DRG2: variants seen among roughly 807,000 people sequenced by gnomAD.
DRG2 encodes the protein developmentally regulated GTP binding protein 2.
DRG2 carries 36 observed loss-of-function variants against 53.4 expected under a neutral mutation model. The observed-to-expected ratio is 0.67, with a 90% CI of 0.52 to 0.89. The LOEUF (loss-of-function observed/expected upper bound fraction) is 0.89, where lower values mean the gene tolerates loss of function less well. Among genes scored for constraint, DRG2 ranks in the 40% least tolerant of loss-of-function variants. DRG2 has a pLI of 0.00. For synonymous variants in DRG2, 167 were observed against 192.1 expected, an observed-to-expected ratio of 0.87 and a Z score of 1.08; for missense variants, 342 against 481.2, an observed-to-expected ratio of 0.71 and a Z score of 2.71.
At chr17:18,104,836 G>A (rs999587252) in intron 11 of DRG2, among the ~76,000 whole-genome samples, 155 bp downstream of exon 11, 8 of 152,320 alleles carry the variant, frequency 5.3e-5, no homozygotes, top group South Asian at 2.1e-4. Context: ...CTGGGGCTGC[G>A]TCTGCAGCAC....
intron 2 of DRG2, chr17:18,095,964 C>G (rs1032800303): frequency 6.6e-6 from 1 of 152,142 alleles, no homozygotes; most frequent in African/African-American, 2.4e-5. Flanking sequence ...TTAGACTTGC[C>G]TTGATTTGAT....
chr17:18,105,163 A>T (rs1234259526), intron 11 of DRG2, among the ~76,000 whole-genome samples: 2 of 152,142 alleles, frequency 1.3e-5, no homozygotes, highest in African/African-American at 4.8e-5. Flanking sequence ...GGGAGCAGGC[A>T]TGCACAGGCC....
rs1371350685 is a variant in DRG2, at chr17:18,088,068, T to C, written c.45T>C (p.Ala15=). ...TCTCGGAGATCGAGAAGGAGATCGCTCGGACACAGAAGAACAAGGGTGAGG... is the reference window on the plus strand; with the variant it reads ...TCTCGGAGATCGAGAAGGAGATCGCCCGGACACAGAAGAACAAGGGTGAGG... ...EKISEIEKEI[A]RTQKNKATEY... The change falls in exon 1 of 13, where the codon GCT becomes GCC. Residue 15 remains alanine (A), a synonymous_variant. Transcript: ENST00000225729. The C allele has an allele frequency of 8.4e-6, 13 of 1,548,136 alleles. No homozygotes were observed. The highest frequency in any genetic ancestry group is 5.9e-5 in the Admixed American group (3 of 50,494).
Position 18,103,795 on chromosome 17 carries a change from T to C in DRG2, c.807-6T>C. ...CCTGCCTGACTGGCCGCCTCCCTCT[T>C]TGCAGCTGCGGCATGAAGCTGAACC... On this transcript the variant is annotated splice_polypyrimidine_tract_variant and splice_region_variant and intron_variant, in intron 9 of 12. Transcript: ENST00000225729. This position sits in a 1 kb window ranked among gnomAD's most constrained non-coding sequence, Gnocchi z 4.4. 1 of 1,613,992 alleles carries C rather than the reference T, an allele frequency of 6.2e-7. No homozygotes were observed. Among genetic ancestry groups the C allele is most frequent in the South Asian group, 1.1e-5 (1 of 91,082 alleles).
At chr17:18,094,138 G>A in intron 2 of DRG2, 165 bp downstream of exon 2, 1 of 899,358 alleles carries the variant, frequency 1.1e-6, no homozygotes, top group Non-Finnish European at 1.6e-6. Context: ...CTAACATGGA[G>A]GACGCTCTTT....
In DRG2 at chr17:18,088,023, C is replaced by A; in HGVS notation, c.-1C>A. The A allele has an allele frequency of 1.3e-6, 2 of 1,549,326 alleles. No homozygotes were observed. The highest frequency in any genetic ancestry group is 1.7e-6 in the Non-Finnish European group (2 of 1,146,226). ...TCTGTGCGCCCACCTCTGCTGCTAC[C>A]ATGGGGATCTTAGAGAAGATCTCGG... On this transcript the variant is annotated 5_prime_UTR_variant, in exon 1 of 13. Transcript: ENST00000225729.
chr17:18,092,068 AATG>A (rs1020894226), intron 1 of DRG2: 1 of 152,180 alleles, frequency 6.6e-6, no homozygotes, highest in Non-Finnish European at 1.5e-5. Context: ...CTGCACCTCA[AATG>A]ATGGTAAGGA....
In DRG2 at chr17:18,099,227, C is replaced by A; in HGVS notation, c.376+150C>A. 2 of 994,528 alleles carry A rather than the reference C, an allele frequency of 2.0e-6. No homozygotes were observed. The highest frequency in any genetic ancestry group is 3.0e-6 in the Non-Finnish European group (2 of 676,920). The allele number at this position is 994,528 out of a possible 1,614,324, so 61.6% of individuals were successfully genotyped here. A position where few individuals can be genotyped will look rare whatever the true frequency, so the allele number is the denominator to read the frequency against. On this transcript the variant is annotated intron_variant, in intron 4 of 12. Coordinates refer to ENST00000225729, the MANE Select transcript of DRG2 (RefSeq NM_001388.5). The surrounding 1 kb of genome is among the most constrained non-coding windows in gnomAD (Gnocchi z 4.4). The stretch of plus-strand genomic sequence containing the variant: ...CAGGTTCCAGTTCAAATCCTTGGCA[C>A]CAAACTAGCCTTGTGATCTTGGGCA...
intron 1 of DRG2, among the ~76,000 whole-genome samples, chr17:18,090,521 A>T (rs1224108273): frequency 7.1e-6 from 1 of 140,588 alleles, no homozygotes; most frequent in Admixed American, 7.6e-5. Flanking sequence ...GGTTCAAGGG[A>T]TTCTCCTGCC....
At chr17:18,106,969 C>G (rs2045650981) in intron 12 of DRG2, among the ~76,000 whole-genome samples, 185 bp from the exon 13 acceptor site, 1 of 152,218 alleles carries the variant, frequency 6.6e-6, no homozygotes, top group African/African-American at 2.4e-5. Context: ...GCATTAGCCA[C>G]TGTGCCTGGC....
In DRG2 at chr17:18,098,388, G is replaced by A. The variant is rs1217501905; in HGVS notation, c.315+29G>A. 1.3e-6 allele frequency: 2 copies of A among 1,599,506 alleles called. No homozygotes were observed. The highest frequency in any genetic ancestry group is 1.7e-6 in the Non-Finnish European group (2 of 1,167,130). ...AGTGGGTGTGCTGGGCCCAGAAGGA[G>A]AAGGGGCGCATGCTTGTGTTTGGAC... On this transcript the variant is annotated intron_variant, in intron 3 of 12. Transcript: ENST00000225729. The surrounding 1 kb of genome is among the most constrained non-coding windows in gnomAD (Gnocchi z 4.1).
intron 2 of DRG2, 160 bp downstream of exon 2, chr17:18,094,133 A>C: frequency 1.4e-5 from 13 of 912,586 alleles, no homozygotes; most frequent in Non-Finnish European, 2.1e-5. Flanking sequence ...TCATCCTAAC[A>C]TGGAGGACGC....
intron 11 of DRG2, 35 bp from the exon 12 acceptor site, chr17:18,106,398 C>A: frequency 6.2e-7 from 1 of 1,611,496 alleles, no homozygotes; most frequent in Non-Finnish European, 8.5e-7. Context: ...TAGGTGAAGC[C>A]TCACCTCTCT....
Position 18,098,198 on chromosome 17 carries a change from C to T in DRG2, c.226-72C>T. 7.4e-7 allele frequency: 1 copy of T among 1,359,164 alleles called. No homozygotes were observed. Among genetic ancestry groups the T allele is most frequent in the South Asian group, 1.2e-5 (1 of 84,708 alleles). The allele number at this position is 1,359,164 out of a possible 1,614,324, so 84.2% of individuals were successfully genotyped here. ...CTCCTGCTGCCTGCACCTGCAGGCC[C>T]CCAGCCCCTGGGGCCTCTCCCAGAA... On this transcript the variant is annotated intron_variant, in intron 2 of 12. Coordinates refer to ENST00000225729, the MANE Select transcript of DRG2 (RefSeq NM_001388.5). This position sits in a 1 kb window ranked among gnomAD's most constrained non-coding sequence, Gnocchi z 4.1.
intron 1 of DRG2, among the ~76,000 whole-genome samples, chr17:18,088,961 G>A (rs1421431550): frequency 6.6e-6 from 1 of 152,152 alleles, no homozygotes; most frequent in Non-Finnish European, 1.5e-5. Context: ...TCAGAAGGGG[G>A]TTATGGAAGA....
chr17:18,106,212 C>T (rs957788334), intron 11 of DRG2: 2 of 580,998 alleles, frequency 3.4e-6, no homozygotes, highest in Non-Finnish European at 3.1e-6. Context: ...CCACAGCTGG[C>T]AGATCAGGAG....
Position 18,100,436 on chromosome 17 carries a change from G to T in DRG2, c.540+1G>T. The T allele has an allele frequency of 6.2e-7, 1 of 1,614,254 alleles. No homozygotes were observed. Among genetic ancestry groups the T allele is most frequent in the Non-Finnish European group, 8.5e-7 (1 of 1,180,050 alleles). Reference sequence around the variant, plus strand: ...GCACAAGCCTAACATCTACTTCAAGGTGAGGCACCTCTCTGGCCTTCAGGC... The same window carrying T: ...GCACAAGCCTAACATCTACTTCAAGTTGAGGCACCTCTCTGGCCTTCAGGC... On this transcript the variant is annotated splice_donor_variant, in intron 6 of 12. Transcript: ENST00000225729. LOFTEE classifies it high-confidence loss of function. This position sits in a 1 kb window ranked among gnomAD's most constrained non-coding sequence, Gnocchi z 4.1.
At position 18,106,495 on chromosome 17, in the gene DRG2, CTGGG is replaced by C; in HGVS notation, c.1008+13_1008+16del. 1.9e-6 allele frequency: 3 copies of C among 1,613,794 alleles called. No homozygotes were observed. Among genetic ancestry groups the C allele is most frequent in the Non-Finnish European group, 2.5e-6 (3 of 1,179,846 alleles). On this transcript the variant is annotated intron_variant, in intron 12 of 12. Transcript: ENST00000225729. ...AGTACGCCCTGGTGTGGGTGAGTCT[CTGGG>C]TGGAAAGCAACCAGGGGGGTAGACC...
Position 18,098,012 on chromosome 17 carries a change from A to G in DRG2, c.226-258A>G. ...TGATGTATATGGGGAACCCCATCAGAATCCAGATCCCTGCCTCTACCTGAG... is the reference window on the plus strand; with the variant it reads ...TGATGTATATGGGGAACCCCATCAGGATCCAGATCCCTGCCTCTACCTGAG... On this transcript the variant is annotated intron_variant, in intron 2 of 12. Transcript: ENST00000225729. This position sits in a 1 kb window ranked among gnomAD's most constrained non-coding sequence, Gnocchi z 4.1. 1 of 326,428 alleles carries G rather than the reference A, an allele frequency of 3.1e-6. No homozygotes were observed. The highest frequency in any genetic ancestry group is 5.8e-6 in the Non-Finnish European group (1 of 172,854). The allele number at this position is 326,428 out of a possible 1,614,324, so 20.2% of individuals were successfully genotyped here.
Sources: gnomAD v4.1 joint callset for allele counts (sites outside exome capture counted in the v4.1 genomes callset) on GRCh38, gnomAD v4.1.1 for gene constraint, Gnocchi (gnomAD v3.1) non-coding constraint, MANE v1.5 for transcripts, NCBI Gene and HGNC (gene_info 2026-07-23, HGNC 2026-07-21) for gene names.